The following CFLAR variants were observed in gnomAD, a reference collection of about 807,000 sequenced individuals.
CFLAR encodes CASP8 and FADD-like apoptosis regulator.
CFLAR carries 14 observed loss-of-function variants against 51.1 expected under a neutral mutation model. The ratio of observed to expected loss-of-function variants is 0.27; its 90% CI spans 0.18 to 0.43. The LOEUF (loss-of-function observed/expected upper bound fraction) is 0.43, where lower values mean the gene tolerates loss of function less well. Among genes scored for constraint, CFLAR ranks in the 20% least tolerant of loss-of-function variants. CFLAR has a pLI of 1.00. For missense variants in CFLAR, 390 were observed against 566.5 expected (o/e 0.69, Z 3.16); for synonymous variants, 210 against 211.6 (o/e 0.99, Z 0.06).
At chr2:201,133,468 A>G (rs550287410) in intron 3 of CFLAR, among the ~76,000 whole-genome samples, 1 of 152,206 alleles carries the variant, frequency 6.6e-6, no homozygotes, top group Admixed American at 6.5e-5. Context: ...TGCTGGGGGA[A>G]AACAGGAAGG....
intron 1 of CFLAR, chr2:201,117,028 C>A (rs2047672356): frequency 6.6e-6 from 1 of 152,144 alleles, no homozygotes; most frequent in African/African-American, 2.4e-5. Context: ...TTGAGAAGAT[C>A]TGGCATTTTT....
rs1395249634 is a variant in CFLAR at position 201,125,594 on chromosome 2, G to T, written c.-137-4135G>T. Among the ~76,000 whole-genome samples the T allele has an allele frequency of 4.6e-5, 7 of 152,012 alleles. No individual in the cohort carries two copies. In the East Asian group the frequency reaches 1.4e-3, roughly 29 times the overall value. On this transcript the variant is annotated intron_variant, in intron 1 of 9. Transcript: ENST00000309955. ...AGCTGGGGCAGTGGAAAGGTGGAAG[G>T]TGGCAGGAGTTTGTGCCTGATACAT...
rs747813572 is a variant in CFLAR at position 201,153,903 on chromosome 2, C to CTTT, written c.793+4088_793+4090dup. 2.9e-3 allele frequency among the ~76,000 whole-genome samples: 297 copies of CTTT among 102,998 alleles called. 1 individual carries two copies. The highest frequency in any genetic ancestry group is 4.0e-3 in the African/African-American group (95 of 24,032). The allele number at this position is 102,998 out of a possible 152,430, so 67.6% of individuals were successfully genotyped here. A position where few individuals can be genotyped will look rare whatever the true frequency, so the allele number is the denominator to read the frequency against. ...AGGAATATTCTATTTTCTTTTCTTT[C>CTTT]TTTTTTTTTTTTTTTTTTTTTTGAC... On this transcript the variant is annotated intron_variant, in intron 8 of 9. Coordinates refer to ENST00000309955, the MANE Select transcript of CFLAR (RefSeq NM_003879.7).
chr2:201,120,859 A>C (rs2048131071), intron 1 of CFLAR, among the ~76,000 whole-genome samples: 1 of 152,226 alleles, frequency 6.6e-6, no homozygotes, highest in Non-Finnish European at 1.5e-5. Flanking sequence ...TGTTTAAAAG[A>C]GTAGGTACCT....
In CFLAR at chr2:201,166,858, C is replaced by T; in HGVS notation, c.*2885C>T. On this transcript the variant is annotated 3_prime_UTR_variant, in exon 10 of 10. Coordinates refer to ENST00000309955, the MANE Select transcript of CFLAR (RefSeq NM_003879.7). ...GGCGCCCGCAATGGCAGGCACGCGG[C>T]AGGCCGAGGCGGGAGAATCAGGCAG... 6.4e-6 allele frequency: 1 copy of T among 156,116 alleles called. No homozygotes were observed. The highest frequency in any genetic ancestry group is 1.4e-5 in the Non-Finnish European group (1 of 71,174). The allele number at this position is 156,116 out of a possible 1,614,324, so 9.7% of individuals were successfully genotyped here.
rs115867858 is a variant in CFLAR, at chr2:201,137,534, G to A, written c.523+1427G>A. ...GCTGTCCTCAGTACAGCCACTTCTC[G>A]TAAGAGTGCAGGCCATGGATGCCAC... On this transcript the variant is annotated intron_variant, in intron 4 of 9. Coordinates refer to ENST00000309955, the MANE Select transcript of CFLAR (RefSeq NM_003879.7). The A allele has an allele frequency of 2.4e-3, 1,590 of 671,838 alleles. 24 individuals are homozygous for A. In the African/African-American group the frequency reaches 0.025, roughly 11 times the overall value. 41.6% of individuals were successfully genotyped at this position (671,838 alleles called of 1,614,324 possible). A position where few individuals can be genotyped will look rare whatever the true frequency, so the allele number is the denominator to read the frequency against.
chr2:201,121,968 C>T (rs571849886), intron 1 of CFLAR, among the ~76,000 whole-genome samples: 2 of 152,324 alleles, frequency 1.3e-5, no homozygotes, highest in South Asian at 2.1e-4. Flanking sequence ...CATCCAGTTC[C>T]TCTAAAGGTG....
chr2:201,149,370 C>G (rs1244043176), intron 7 of CFLAR: 1 of 299,050 alleles, frequency 3.3e-6, no homozygotes, highest in Non-Finnish European at 6.3e-6. Flanking sequence ...TAGGTTGACA[C>G]CTCTTTGTAA....
At position 201,148,983 on chromosome 2, in the gene CFLAR, TTC is replaced by T. The variant is rs767396641; in HGVS notation, c.662-11_662-10del. 2.3e-5 allele frequency: 37 copies of T among 1,602,016 alleles called. No homozygotes were observed. Among genetic ancestry groups the T allele is most frequent in the Non-Finnish European group, 3.2e-5 (37 of 1,169,014 alleles). ...GCTCTCCTTCAGCTTTGTAAATGGT[TTC>T]TCTCTCTCATCCCCCAGAAGAACCA... On this transcript the variant is annotated intron_variant, in intron 6 of 9. Coordinates refer to ENST00000309955, the MANE Select transcript of CFLAR (RefSeq NM_003879.7).
Position 201,160,688 on chromosome 2 carries a change from G to A in CFLAR, c.1050G>A (p.Gly350=), listed in dbSNP as rs900125733. Residue 350 remains glycine, a synonymous_variant, in exon 9 of 10, where the codon GGG becomes GGA. Coordinates refer to ENST00000309955, the MANE Select transcript of CFLAR (RefSeq NM_003879.7). ...GAGATTCATGCCCTTATCTAGCAGGGAAGCCAAAGATGTTTTTTATTCAGA... is the reference window on the plus strand; with the variant it reads ...GAGATTCATGCCCTTATCTAGCAGGAAAGCCAAAGATGTTTTTTATTCAGA... The part of the protein sequence containing the change: ...FMGDSCPYLA[G]KPKMFFIQNY... 3 of 1,614,034 alleles carry A rather than the reference G, an allele frequency of 1.9e-6. No individual in the cohort carries two copies. Among genetic ancestry groups the A allele is most frequent in the Non-Finnish European group, 2.5e-6 (3 of 1,180,048 alleles).
chr2:201,136,130 G>T lies in CFLAR; in HGVS notation c.523+23G>T, dbSNP rs777696507. On this transcript the variant is annotated intron_variant, in intron 4 of 9. Coordinates refer to ENST00000309955, the MANE Select transcript of CFLAR (RefSeq NM_003879.7). ...CTGGTAAGAATTTTGGCCTCTCAGTGGTCTAGGGGAAGTACTCTGTGCATG... is the reference window on the plus strand; with the variant it reads ...CTGGTAAGAATTTTGGCCTCTCAGTTGTCTAGGGGAAGTACTCTGTGCATG... The T allele has an allele frequency of 3.7e-6, 6 of 1,612,478 alleles. No individual in the cohort carries two copies. The African/African-American group carries it at 8.0e-5, about 22-fold the overall frequency.
In CFLAR at chr2:201,134,137, C is replaced by T. The variant is rs572537983; in HGVS notation, c.387+1003C>T. Among the ~76,000 whole-genome samples the T allele has an allele frequency of 2.4e-3, 356 of 150,234 alleles. 3 individuals are homozygous for T. Among genetic ancestry groups the T allele is most frequent in the African/African-American group, 8.4e-3 (342 of 40,834 alleles). ...CAACCTGGCCAACCTGGTGAAACTC[C>T]GTCTCTACTAAAAATACAAAAAATT... On this transcript the variant is annotated intron_variant, in intron 3 of 9. Coordinates refer to ENST00000309955, the MANE Select transcript of CFLAR (RefSeq NM_003879.7).
At chr2:201,119,794 T>A (rs1341357724) in intron 1 of CFLAR, among the ~76,000 whole-genome samples, 1 of 151,650 alleles carries the variant, frequency 6.6e-6, no homozygotes, top group Non-Finnish European at 1.5e-5. Context: ...AGAGAAAACC[T>A]CCAGGGGTTC....
chr2:201,146,598 GCTTGT>G (rs1940226016), intron 6 of CFLAR: 1 of 152,238 alleles, frequency 6.6e-6, no homozygotes, highest in Non-Finnish European at 1.5e-5. Flanking sequence ...TACTTCTTTT[GCTTGT>G]CTTGAGTCCT....
intron 8 of CFLAR, chr2:201,153,231 C>T (rs1490430453): frequency 6.6e-6 from 1 of 152,166 alleles, no homozygotes; most frequent in Non-Finnish European, 1.5e-5. Context: ...GGCTAATTAG[C>T]AAGTAAGAAA....
chr2:201,138,040 G>C lies in CFLAR; in HGVS notation c.523+1933G>C. ...TTGTACACAGCAGTGCCCTGGGGCT[G>C]ACTGCAGGCTATCACTTCCTGGTTG... On this transcript the variant is annotated intron_variant, in intron 4 of 9. Transcript: ENST00000309955. This position sits in a 1 kb window ranked among gnomAD's most constrained non-coding sequence, Gnocchi z 4.0. 2 of 724,242 alleles carry C rather than the reference G, an allele frequency of 2.8e-6. No individual in the cohort carries two copies. Among genetic ancestry groups the C allele is most frequent in the African/African-American group, 3.4e-5 (2 of 58,010 alleles). 44.9% of individuals were successfully genotyped at this position (724,242 alleles called of 1,614,324 possible).
intron 6 of CFLAR, chr2:201,147,694 C>G (rs1940493734): frequency 6.6e-6 from 1 of 152,008 alleles, no homozygotes. Flanking sequence ...ACGGTGAAAC[C>G]CTGTCTCTAC....
At position 201,171,432 on chromosome 2, in the gene CFLAR, T is replaced by C. The variant is rs1944004217; in HGVS notation, c.*7459T>C. The C allele has an allele frequency of 6.6e-6, 1 of 152,216 alleles. No homozygotes were observed. Among genetic ancestry groups the C allele is most frequent in the Non-Finnish European group, 1.5e-5 (1 of 68,032 alleles). The allele number at this position is 152,216 out of a possible 1,614,324, so 9.4% of individuals were successfully genotyped here. ...ACCAAACACCACATGTTCTCACTTGTAAGCGGAAGCTGAACAATGAGAACA... is the reference window on the plus strand; with the variant it reads ...ACCAAACACCACATGTTCTCACTTGCAAGCGGAAGCTGAACAATGAGAACA... On this transcript the variant is annotated 3_prime_UTR_variant, in exon 10 of 10. Transcript: ENST00000309955.
chr2:201,135,621 T>C (rs180961724), intron 3 of CFLAR, among the ~76,000 whole-genome samples: 32 of 152,214 alleles, frequency 2.1e-4, no homozygotes, highest in Admixed American at 2.1e-3. Context: ...ATTTGGGGCT[T>C]ATTAGTCAGC....
Sources: allele counts gnomAD v4.1 joint callset (sites outside exome capture counted in the v4.1 genomes callset), GRCh38; gene constraint gnomAD v4.1.1; non-coding constraint Gnocchi (gnomAD v3.1); transcripts MANE v1.5; gene names NCBI Gene and HGNC (gene_info 2026-07-23, HGNC 2026-07-21).